MAN2A1: variants seen among roughly 807,000 people sequenced by gnomAD.
MAN2A1 encodes mannosidase alpha class 2A member 1.
Under a neutral mutation model 142.6 loss-of-function variants are expected in MAN2A1, and 76 were observed. That is an observed-to-expected ratio of 0.53 (90% CI 0.44 to 0.65). The LOEUF (loss-of-function observed/expected upper bound fraction) is 0.65. Ranked by LOEUF, MAN2A1 falls within the 30% of genes least tolerant of loss-of-function variation. The pLI, the probability that MAN2A1 is intolerant of heterozygous loss-of-function variation, is 0.00. For missense variants in MAN2A1, 1,311 were observed against 1,365.1 expected (o/e 0.96, Z 0.62); for synonymous variants, 559 against 473.2 (o/e 1.18, Z -2.35).
chr5:109,791,999 A>G (rs1011285171), intron 12 of MAN2A1, among the ~76,000 whole-genome samples: 2 of 152,130 alleles, frequency 1.3e-5, no homozygotes, highest in Admixed American at 6.6e-5. Context: ...TAGTTCACAC[A>G]GTTATGTGAG....
intron 1 of MAN2A1, among the ~76,000 whole-genome samples, chr5:109,697,080 T>A (rs763022204): frequency 2.0e-5 from 3 of 152,236 alleles, no homozygotes; most frequent in Non-Finnish European, 4.4e-5. Flanking sequence ...TTTTACTTTC[T>A]TCCAGCTGAA....
At chr5:109,851,260 C>G (rs562078711) in intron 19 of MAN2A1, among the ~76,000 whole-genome samples, 1 of 152,234 alleles carries the variant, frequency 6.6e-6, no homozygotes, top group Admixed American at 6.5e-5. Context: ...GGTTGACCAT[C>G]ATTTATGCTA....
chr5:109,713,814 T>TG, intron 2 of MAN2A1, 40 bp downstream of exon 2: 2 of 1,559,644 alleles, frequency 1.3e-6, no homozygotes, highest in Non-Finnish European at 1.7e-6. Flanking sequence ...GCCTTTTTTT[T>TG]TTTTTGTTCT....
At chr5:109,741,334 C>A (rs1341715397) in intron 4 of MAN2A1, among the ~76,000 whole-genome samples, 1 of 152,108 alleles carries the variant, frequency 6.6e-6, no homozygotes, top group Non-Finnish European at 1.5e-5. Context: ...ATAGCATTCC[C>A]CCCCACTTAC....
intron 12 of MAN2A1, among the ~76,000 whole-genome samples, chr5:109,807,607 T>G (rs898821889): frequency 3.3e-5 from 5 of 152,172 alleles, no homozygotes; most frequent in Admixed American, 1.3e-4. Context: ...TCACATAGTC[T>G]TCTTCTCTGT....
chr5:109,738,021 T>C (rs1752155280), intron 4 of MAN2A1, among the ~76,000 whole-genome samples: 1 of 152,204 alleles, frequency 6.6e-6, no homozygotes, highest in Admixed American at 6.5e-5. Flanking sequence ...GCATTCCTTA[T>C]ACAGCTTTGT....
chr5:109,823,326 T>C (rs896002740), intron 15 of MAN2A1, among the ~76,000 whole-genome samples: 56 of 152,178 alleles, frequency 3.7e-4, no homozygotes, highest in African/African-American at 1.3e-3. Flanking sequence ...CCTTGCCACC[T>C]GTCCCAAACC....
intron 19 of MAN2A1, among the ~76,000 whole-genome samples, chr5:109,849,762 C>T (rs1755437386): frequency 6.6e-6 from 1 of 151,584 alleles, no homozygotes; most frequent in Non-Finnish European, 1.5e-5. Flanking sequence ...GTTGAACCCT[C>T]TGATATCTTC....
chr5:109,840,428 G>C (rs888451094), intron 16 of MAN2A1: 2 of 447,540 alleles, frequency 4.5e-6, no homozygotes, highest in African/African-American at 4.2e-5. Context: ...ATTTCTACCA[G>C]GTTTCTGCAT....
At position 109,869,503 on chromosome 5, in the gene MAN2A1, TTCATTTTGA is replaced by T. The variant is rs1421387565; in HGVS notation, c.*2514_*2522del. The T allele has an allele frequency of 6.6e-6, 1 of 152,210 alleles. No homozygotes were observed. The highest frequency in any genetic ancestry group is 1.5e-5 in the Non-Finnish European group (1 of 68,046). 9.4% of individuals were successfully genotyped at this position (152,210 alleles called of 1,614,324 possible). On this transcript the variant is annotated 3_prime_UTR_variant, in exon 22 of 22. Transcript: ENST00000261483. ...CTTTGTCTGGAAGAAAATGTTTGCT[TTCATTTTGA>T]TCATTTTGTTCACCTTGGAATCAAC...
chr5:109,785,764 A>G (rs1753580428), intron 10 of MAN2A1, among the ~76,000 whole-genome samples: 2 of 151,926 alleles, frequency 1.3e-5, no homozygotes. Context: ...TATTTTATTT[A>G]CTGTAGTTTA....
At chr5:109,782,159 A>C (rs1753477245) in intron 9 of MAN2A1, among the ~76,000 whole-genome samples, 1 of 152,204 alleles carries the variant, frequency 6.6e-6, no homozygotes. Context: ...CAACATTTGA[A>C]AAAATGATGA....
At chr5:109,736,975 T>G (rs1433625629) in intron 4 of MAN2A1, among the ~76,000 whole-genome samples, 2 of 152,190 alleles carry the variant, frequency 1.3e-5, no homozygotes, top group Admixed American at 1.3e-4. Context: ...TGTTTTCTTT[T>G]TGACTTAGGT....
chr5:109,728,021 G>A (rs1039412933), intron 3 of MAN2A1, among the ~76,000 whole-genome samples: 1 of 152,154 alleles, frequency 6.6e-6, no homozygotes, highest in African/African-American at 2.4e-5. Context: ...GGTTAAAAGT[G>A]CCCCAGATCA....
chr5:109,862,047 A>C (rs1433834366), intron 20 of MAN2A1, among the ~76,000 whole-genome samples: 4 of 152,236 alleles, frequency 2.6e-5, no homozygotes, highest in African/African-American at 4.8e-5. Context: ...GATGAAAAGC[A>C]TTCTGTACAG....
chr5:109,855,072 A>T, intron 19 of MAN2A1, 68 bp from the exon 20 acceptor site: 2 of 765,824 alleles, frequency 2.6e-6, no homozygotes, highest in Non-Finnish European at 3.9e-6. Context: ...ACCCTCTCAG[A>T]TAATTCTGTT....
chr5:109,731,824 A>G (rs6897420), intron 4 of MAN2A1, among the ~76,000 whole-genome samples: 103,015 of 145,184 alleles, frequency 0.71, 37,802 homozygotes, highest in East Asian at 0.93. Context: ...ATAAACATAC[A>G]TGTGCATGTG....
intron 14 of MAN2A1, 95 bp from the exon 15 acceptor site, chr5:109,820,125 A>G (rs1754584433): frequency 1.8e-6 from 2 of 1,135,044 alleles, no homozygotes; most frequent in Non-Finnish European, 2.5e-6. Context: ...AAGTACAGAA[A>G]TTATTTTTTT....
At chr5:109,787,359 C>T (rs1299674860) in intron 10 of MAN2A1, among the ~76,000 whole-genome samples, 1 of 151,882 alleles carries the variant, frequency 6.6e-6, no homozygotes, top group Non-Finnish European at 1.5e-5. Flanking sequence ...AACTGTGATT[C>T]CCAAGTGATT....
Sources: allele counts gnomAD v4.1 joint callset (sites outside exome capture counted in the v4.1 genomes callset), GRCh38; gene constraint gnomAD v4.1.1; transcripts MANE v1.5; gene names NCBI Gene and HGNC (gene_info 2026-07-23, HGNC 2026-07-21).